Variants in TMEM74 observed in about 807,000 individuals in gnomAD.
TMEM74 encodes transmembrane protein 74.
Under a neutral mutation model 18.1 loss-of-function variants are expected in TMEM74, and 13 were observed. That is an observed-to-expected ratio of 0.72 (90% CI 0.47 to 1.14). The LOEUF (loss-of-function observed/expected upper bound fraction) is 1.14. TMEM74 is among the 50% of genes most tolerant of loss of function. The pLI is 0.00. For missense variants in TMEM74, 372 were observed against 375.9 expected (o/e 0.99, Z 0.09); for synonymous variants, 159 against 146.6 (o/e 1.08, Z -0.61).
At chr8:108,647,005 C>G (rs1812726894) in intron 2 of TMEM74, among the ~76,000 whole-genome samples, 3 of 152,126 alleles carry the variant, frequency 2.0e-5, no homozygotes, top group African/African-American at 4.8e-5. Flanking sequence ...ACCAAGTATC[C>G]ATTCCCCAAA....
At position 108,650,008 on chromosome 8, in the gene TMEM74, T is replaced by C. The variant is rs1326127515; in HGVS notation, n.264+5285A>G. Among the ~76,000 whole-genome samples the C allele has an allele frequency of 2.0e-5, 3 of 152,206 alleles. No homozygotes were observed. In the East Asian group the frequency reaches 5.8e-4, roughly 29 times the overall value. On this transcript the variant is annotated intron_variant and non_coding_transcript_variant, in intron 2 of 3. Coordinates refer to the TMEM74 transcript ENST00000518838. The stretch of plus-strand genomic sequence containing the variant: ...GTAGTATCCATCCTTCTTTTCTGTA[T>C]AAGGGAAAATGAGTCAATATTTATC...
intron 1 of TMEM74, among the ~76,000 whole-genome samples, chr8:108,668,469 C>T (rs980516857): frequency 1.3e-5 from 2 of 152,098 alleles, no homozygotes; most frequent in Non-Finnish European, 2.9e-5. Context: ...GCCACAACAG[C>T]AACAATAGCA....
chr8:108,699,187 C>CCTTCCTTCCTT (rs1563529302), intron 1 of TMEM74, among the ~76,000 whole-genome samples: 3,032 of 68,402 alleles, frequency 0.044, 61 homozygotes, highest in Non-Finnish European at 0.056. Flanking sequence ...CTTCCTTCCT[C>CCTTCCTTCCTT]CCTCCCTCCC....
chr8:108,647,168 GTATTAACAGCAATCAGGCAGCCTCT>G lies in TMEM74; in HGVS notation n.264+8100_264+8124del, dbSNP rs1383120436. ...TGGAAATCTTTGCCTTCTGCCTTAT[GTATTAACAGCAATCAGGCAGCCTCT>G]TAAGACCTTCCTGGAAACATCCCAA... On this transcript the variant is annotated intron_variant and non_coding_transcript_variant, in intron 2 of 3. Transcript: ENST00000518838. Among the ~76,000 whole-genome samples the G allele has an allele frequency of 5.3e-5, 8 of 152,086 alleles. No individual in the cohort carries two copies. The South Asian group carries it at 1.7e-3, about 32-fold the overall frequency.
chr8:108,687,973 C>A (rs1813188205), intron 1 of TMEM74, among the ~76,000 whole-genome samples: 1 of 152,024 alleles, frequency 6.6e-6, no homozygotes, highest in Non-Finnish European at 1.5e-5. Flanking sequence ...AAACAAATAA[C>A]CTAATAAGAA....
chr8:108,613,546 T>A (rs1812355591), intron 2 of TMEM74, among the ~76,000 whole-genome samples: 1 of 152,214 alleles, frequency 6.6e-6, no homozygotes. Context: ...AATCCACGTA[T>A]TTTTTTATTT....
At chr8:108,665,248 T>G (rs149379047) in intron 1 of TMEM74, among the ~76,000 whole-genome samples, 53 of 152,258 alleles carry the variant, frequency 3.5e-4, no homozygotes, top group Non-Finnish European at 6.2e-4. Flanking sequence ...ACCTGAATTA[T>G]TATATAACAG....
intron 2 of TMEM74, among the ~76,000 whole-genome samples, chr8:108,653,701 A>G (rs983503712): frequency 5.3e-5 from 8 of 152,160 alleles, no homozygotes; most frequent in African/African-American, 1.9e-4. Flanking sequence ...AGAAAAAAGC[A>G]AAGCACAGCA....
chr8:108,635,589 C>T (rs1586242092), intron 2 of TMEM74, among the ~76,000 whole-genome samples: 1 of 152,144 alleles, frequency 6.6e-6, no homozygotes, highest in African/African-American at 2.4e-5. Flanking sequence ...TCTCATTCAC[C>T]TCGCCAACAC....
At chr8:108,747,699 TC>T (rs1813863372) in intron 1 of TMEM74, among the ~76,000 whole-genome samples, 1 of 151,612 alleles carries the variant, frequency 6.6e-6, no homozygotes, top group Non-Finnish European at 1.5e-5. Flanking sequence ...TTCTTCCTGA[TC>T]CTCTCCCACC....
At position 108,784,694 on chromosome 8, in the gene TMEM74, G is replaced by T; in HGVS notation, c.405C>A (p.His135Gln). The change falls in exon 2 of 2, where the codon CAC becomes CAA. Residue 135 changes from histidine (H) to glutamine (Q), a missense_variant. Coordinates refer to ENST00000297459, the MANE Select transcript of TMEM74 (RefSeq NM_153015.3). The part of the protein sequence containing the change: ...RSSPSAKGHN[H>Q]PGELGWENPN... ...GATTTTCCCAGCCAAGCTCCCCAGG[G>T]TGATTATGCCCTTTTGCTGATGGCG... 6.2e-7 allele frequency: 1 copy of T among 1,614,152 alleles called. No homozygotes were observed. Among genetic ancestry groups the T allele is most frequent in the South Asian group, 1.1e-5 (1 of 91,078 alleles).
intron 2 of TMEM74, among the ~76,000 whole-genome samples, chr8:108,621,666 C>T (rs984197570): frequency 6.6e-6 from 1 of 152,136 alleles, no homozygotes; most frequent in Non-Finnish European, 1.5e-5. Context: ...GACATCTCTG[C>T]TGAGGTGTAG....
At chr8:108,695,249 A>T (rs1037274368) in intron 1 of TMEM74, among the ~76,000 whole-genome samples, 1 of 152,294 alleles carries the variant, frequency 6.6e-6, no homozygotes, top group South Asian at 2.1e-4. Flanking sequence ...ACATGAGGAA[A>T]AAAAGGTGGA....
intron 2 of TMEM74, among the ~76,000 whole-genome samples, chr8:108,639,231 T>TA (rs1454317911): frequency 1.3e-5 from 2 of 152,320 alleles, no homozygotes; most frequent in East Asian, 3.9e-4. Flanking sequence ...TAGCAATAGT[T>TA]ACCTGGTACA....
chr8:108,668,127 C>T (rs1235672512), intron 1 of TMEM74, among the ~76,000 whole-genome samples: 1 of 152,082 alleles, frequency 6.6e-6, no homozygotes, highest in Admixed American at 6.6e-5. Flanking sequence ...CTTTAAAAGG[C>T]AAACTACCCA....
chr8:108,695,149 A>G (rs1207614623), intron 1 of TMEM74, among the ~76,000 whole-genome samples: 1 of 151,424 alleles, frequency 6.6e-6, no homozygotes, highest in Non-Finnish European at 1.5e-5. Flanking sequence ...TGCAACAGCA[A>G]CAGTGCTTTG....
intron 1 of TMEM74, among the ~76,000 whole-genome samples, chr8:108,693,361 G>C (rs976758761): frequency 2.6e-5 from 4 of 152,208 alleles, no homozygotes; most frequent in African/African-American, 9.6e-5. Context: ...AAGAGTTTCA[G>C]ATAATGGAAG....
At chr8:108,736,820 C>T (rs6993219) in intron 1 of TMEM74, among the ~76,000 whole-genome samples, 53,553 of 151,902 alleles carry the variant, frequency 0.35, 10,381 homozygotes, top group African/African-American at 0.5. Context: ...TGAGTAGAAT[C>T]TTGGGTTACT....
chr8:108,729,912 G>A (rs1046483098), intron 1 of TMEM74, among the ~76,000 whole-genome samples: 14 of 152,134 alleles, frequency 9.2e-5, no homozygotes, highest in Non-Finnish European at 1.3e-4. Context: ...GAACATTAGT[G>A]GACAAATAAG....
Sources: gnomAD v4.1 joint callset for allele counts (sites outside exome capture counted in the v4.1 genomes callset) on GRCh38, gnomAD v4.1.1 for gene constraint, MANE v1.5 for transcripts, NCBI Gene and HGNC (gene_info 2026-07-23, HGNC 2026-07-21) for gene names.